The following POLA1 variants were observed in gnomAD, a reference collection of about 807,000 sequenced individuals.
POLA1 encodes DNA polymerase alpha 1, catalytic subunit.
In POLA1, 15 loss-of-function variants were observed where a neutral mutation model predicts 124.0. The observed-to-expected ratio is 0.12, with a 90% CI of 0.08 to 0.19. The LOEUF (loss-of-function observed/expected upper bound fraction) is 0.19, where lower values mean the gene tolerates loss of function less well. Among genes scored for constraint, POLA1 ranks in the 10% least tolerant of loss-of-function variants. The pLI is 1.00. For missense variants in POLA1, 886 were observed against 1,103.4 expected, an observed-to-expected ratio of 0.80 and a Z score of 2.79; for synonymous variants, 408 against 389.4, an observed-to-expected ratio of 1.05 and a Z score of -0.56.
At chrX:24,716,584 C>T in intron 7 of POLA1, 130 bp downstream of exon 7, 2 of 448,654 alleles carry the variant, frequency 4.5e-6, no homozygotes, top group Non-Finnish European at 7.8e-6. Context: ...GACTCCCATT[C>T]AATTTATAGT....
intron 34 of POLA1, among the ~76,000 whole-genome samples, chrX:24,852,689 A>G (rs753349368): frequency 1.8e-5 from 2 of 111,562 alleles, no homozygotes; most frequent in African/African-American, 3.3e-5. Flanking sequence ...CACTTCTTCC[A>G]AGTTTTTGTT....
At chrX:24,847,054 G>A (rs1268388885) in intron 34 of POLA1, among the ~76,000 whole-genome samples, 1 of 111,947 alleles carries the variant, frequency 8.9e-6, no homozygotes, top group Non-Finnish European at 1.9e-5. Flanking sequence ...GAAATGGGAA[G>A]AATAGGTGTA....
intron 4 of POLA1, among the ~76,000 whole-genome samples, chrX:24,709,236 C>CG (rs1929111760): frequency 1.4e-5 from 1 of 69,205 alleles, no homozygotes; most frequent in African/African-American, 6.3e-5. Flanking sequence ...GCTGGCCGGG[C>CG]GGGGGGCTGA....
chrX:24,905,023 C>CAAAAA (rs59707195), intron 35 of POLA1, among the ~76,000 whole-genome samples: 2 of 43,944 alleles, frequency 4.6e-5, no homozygotes, highest in African/African-American at 1.3e-4. Flanking sequence ...GACTCTGTCT[C>CAAAAA]AAAAAAAAAA....
At chrX:24,770,475 C>G (rs938464796) in intron 26 of POLA1, among the ~76,000 whole-genome samples, 4 of 111,745 alleles carry the variant, frequency 3.6e-5, no homozygotes, top group Non-Finnish European at 5.7e-5. Flanking sequence ...TACGGGATGT[C>G]GTCTTTACAG....
chrX:24,966,528 A>T (rs771158396), intron 36 of POLA1, among the ~76,000 whole-genome samples: 2 of 112,406 alleles, frequency 1.8e-5, no homozygotes, highest in African/African-American at 6.5e-5. Context: ...TAAAGGCTAC[A>T]TGGATGGTTT....
At chrX:24,792,260 A>G (rs753008222) in intron 26 of POLA1, among the ~76,000 whole-genome samples, 82 of 111,527 alleles carry the variant, frequency 7.4e-4, no homozygotes, top group African/African-American at 2.6e-3. Flanking sequence ...ACAGCTGTTA[A>G]GCACCCCCCT....
chrX:24,931,509 G>C (rs1001125839), intron 36 of POLA1, among the ~76,000 whole-genome samples: 4 of 111,892 alleles, frequency 3.6e-5, no homozygotes, highest in African/African-American at 1.3e-4. Flanking sequence ...TAAATGCCTT[G>C]ACTTATTTGG....
chrX:24,866,890 A>G (rs1196634824), intron 34 of POLA1, among the ~76,000 whole-genome samples: 1 of 111,807 alleles, frequency 8.9e-6, no homozygotes, highest in Non-Finnish European at 1.9e-5. Flanking sequence ...AAATTATTTT[A>G]AAATAAACTA....
At chrX:24,859,477 G>T (rs1489666871) in intron 34 of POLA1, among the ~76,000 whole-genome samples, 1 of 112,174 alleles carries the variant, frequency 8.9e-6, no homozygotes, top group Non-Finnish European at 1.9e-5. Flanking sequence ...ATCCCACTTT[G>T]TGAAATTCTT....
intron 12 of POLA1, among the ~76,000 whole-genome samples, 176 bp downstream of exon 12, chrX:24,724,627 TTTTC>T (rs1159680657): frequency 8.9e-6 from 1 of 112,627 alleles, no homozygotes; most frequent in African/African-American, 3.2e-5. Context: ...CAAAAATATT[TTTTC>T]TTTCTCTTTA....
At chrX:24,863,102 A>G (rs760750923) in intron 34 of POLA1, among the ~76,000 whole-genome samples, 6 of 112,106 alleles carry the variant, frequency 5.4e-5, no homozygotes, top group African/African-American at 1.6e-4. Context: ...ATTGCTTACT[A>G]ATTTTTTTAG....
intron 34 of POLA1, among the ~76,000 whole-genome samples, chrX:24,867,220 T>C (rs916208782): frequency 3.6e-5 from 4 of 111,713 alleles, no homozygotes; most frequent in Admixed American, 1.9e-4. Context: ...GACTTTTTTT[T>C]ATCCTTCTCA....
At chrX:24,946,591 G>A (rs771601565) in intron 36 of POLA1, among the ~76,000 whole-genome samples, 16 of 111,604 alleles carry the variant, frequency 1.4e-4, no homozygotes, top group African/African-American at 4.6e-4. Context: ...CCCTGCCTGG[G>A]TTAGCCAACC....
At chrX:24,782,340 G>T (rs2045282727) in intron 26 of POLA1, among the ~76,000 whole-genome samples, 1 of 111,575 alleles carries the variant, frequency 9.0e-6, no homozygotes, top group Non-Finnish European at 1.9e-5. Context: ...GTAGTGCTGA[G>T]CAGTAAAGCT....
At chrX:24,968,668 A>T (rs1224469548) in intron 36 of POLA1, among the ~76,000 whole-genome samples, 1 of 100,199 alleles carries the variant, frequency 1.0e-5, no homozygotes, top group African/African-American at 3.8e-5. Context: ...GGGCCACTGT[A>T]CTCCAGCCTG....
intron 25 of POLA1, 121 bp downstream of exon 25, chrX:24,748,581 C>T (rs1932152424): frequency 1.6e-6 from 1 of 630,039 alleles, no homozygotes; most frequent in Non-Finnish European, 2.4e-6. Context: ...GGATAGGTGA[C>T]CATTTAAAAA....
intron 32 of POLA1, among the ~76,000 whole-genome samples, chrX:24,836,113 G>A (rs1283283808): frequency 9.0e-6 from 1 of 111,455 alleles, no homozygotes; most frequent in African/African-American, 3.3e-5. Context: ...GGATTTTTGG[G>A]GATATTACAC....
At chrX:24,721,011 G>A (rs1930169859) in intron 10 of POLA1, among the ~76,000 whole-genome samples, 1 of 112,852 alleles carries the variant, frequency 8.9e-6, no homozygotes, top group African/African-American at 3.2e-5. Flanking sequence ...AGTGACAAGT[G>A]TTGGAAGATT....
Sources: gnomAD v4.1 joint callset for allele counts (sites outside exome capture counted in the v4.1 genomes callset) on GRCh38, gnomAD v4.1.1 for gene constraint, MANE v1.5 for transcripts, NCBI Gene and HGNC (gene_info 2026-07-23, HGNC 2026-07-21) for gene names.